PLXNA4: variants seen among roughly 807,000 people sequenced by gnomAD.
PLXNA4 encodes plexin-A4.
Under a neutral mutation model 191.8 loss-of-function variants are expected in PLXNA4, and 44 were observed. That is an observed-to-expected ratio of 0.23 (90% CI 0.18 to 0.29). PLXNA4 has a LOEUF of 0.29. Among genes scored for constraint, PLXNA4 ranks in the 10% least tolerant of loss-of-function variants. The pLI, the probability that PLXNA4 is intolerant of heterozygous loss-of-function variation, is 1.00. For synonymous variants in PLXNA4, 1,082 were observed against 1,009.5 expected, an observed-to-expected ratio of 1.07 and a Z score of -1.36; for missense variants, 1,800 against 2,488.8, an observed-to-expected ratio of 0.72 and a Z score of 5.89.
intron 3 of PLXNA4, among the ~76,000 whole-genome samples, chr7:132,441,649 T>A (rs1188106059): frequency 6.6e-6 from 1 of 152,246 alleles, no homozygotes; most frequent in Non-Finnish European, 1.5e-5. Flanking sequence ...AAACCCTGCA[T>A]TCGGAGTCTA....
At chr7:132,261,080 T>C (rs1458181962) in intron 4 of PLXNA4, among the ~76,000 whole-genome samples, 1 of 152,218 alleles carries the variant, frequency 6.6e-6, no homozygotes, top group Non-Finnish European at 1.5e-5. Context: ...GGCAGTATAC[T>C]ACTGTTTTAT....
chr7:132,484,748 T>C (rs1797478087), intron 3 of PLXNA4: 1 of 1,595,274 alleles, frequency 6.3e-7, no homozygotes, highest in Non-Finnish European at 8.5e-7. Context: ...CTTCCATCCA[T>C]CTGCAGGGCT....
intron 29 of PLXNA4, among the ~76,000 whole-genome samples, chr7:132,143,157 C>G (rs1005236502): frequency 2.0e-5 from 3 of 152,164 alleles, no homozygotes; most frequent in Non-Finnish European, 4.4e-5. Context: ...AAAAAATAAT[C>G]ACTTTTCCAT....
chr7:132,326,559 C>T (rs951086295), intron 3 of PLXNA4, among the ~76,000 whole-genome samples: 1 of 152,058 alleles, frequency 6.6e-6, no homozygotes, highest in African/African-American at 2.4e-5. Flanking sequence ...TCTGCCAGCC[C>T]CTGCATCAGG....
chr7:132,598,952 G>A (rs1357267217), intron 2 of PLXNA4, among the ~76,000 whole-genome samples: 1 of 152,112 alleles, frequency 6.6e-6, no homozygotes, highest in Non-Finnish European at 1.5e-5. Flanking sequence ...TTTATATGTG[G>A]CATTAGGTAG....
At chr7:132,482,289 CTCTT>C (rs1797371436) in intron 3 of PLXNA4, among the ~76,000 whole-genome samples, 1 of 152,100 alleles carries the variant, frequency 6.6e-6, no homozygotes, top group African/African-American at 2.4e-5. Flanking sequence ...CTTGCTCAGC[CTCTT>C]TCTCGCCCCC....
chr7:132,383,557 T>C (rs1804986335), intron 3 of PLXNA4: 1 of 983,232 alleles, frequency 1.0e-6, no homozygotes. Flanking sequence ...TGTCTCATGC[T>C]TTTTCACTGA....
At chr7:132,386,648 T>C (rs913521011) in intron 3 of PLXNA4, among the ~76,000 whole-genome samples, 2 of 152,170 alleles carry the variant, frequency 1.3e-5, no homozygotes, top group Non-Finnish European at 1.5e-5. Flanking sequence ...TTTCCTGGCA[T>C]ACCCCCGGTA....
intron 3 of PLXNA4, among the ~76,000 whole-genome samples, chr7:132,418,071 G>C (rs1230670939): frequency 6.6e-6 from 1 of 152,204 alleles, no homozygotes; most frequent in Non-Finnish European, 1.5e-5. Context: ...CCACAGACAA[G>C]CACCTAGCCA....
At chr7:132,437,636 G>A (rs1479470376) in intron 3 of PLXNA4, among the ~76,000 whole-genome samples, 1 of 150,964 alleles carries the variant, frequency 6.6e-6, no homozygotes, top group African/African-American at 2.4e-5. Context: ...TCCTTAGCTT[G>A]TTGCACTCTC....
chr7:132,140,589 C>A lies in PLXNA4; in HGVS notation c.5438+10G>T. 6.2e-7 allele frequency: 1 copy of A among 1,613,082 alleles called. No individual in the cohort carries two copies. Among genetic ancestry groups the A allele is most frequent in the Non-Finnish European group, 8.5e-7 (1 of 1,179,804 alleles). On this transcript the variant is annotated intron_variant, in intron 30 of 31. Coordinates refer to ENST00000321063, the MANE Select transcript of PLXNA4 (RefSeq NM_020911.2). ...GGGGCCCTGACTTGGCTCCGTGGCC[C>A]AGCACTCACCTCTCCACCCAATTCT...
At chr7:132,544,502 A>G (rs191636229) in intron 1 of PLXNA4, among the ~76,000 whole-genome samples, 131 of 152,364 alleles carry the variant, frequency 8.6e-4, no homozygotes, top group Non-Finnish European at 1.5e-3. Flanking sequence ...AGGAAGTTCC[A>G]TAGAAAAGAA....
intron 2 of PLXNA4, among the ~76,000 whole-genome samples, chr7:132,629,309 G>A (rs4236637): frequency 0.093 from 14,147 of 152,180 alleles, 1,423 homozygotes; most frequent in East Asian, 0.27. Context: ...TCTCTTGTAC[G>A]ACTTCTCCAG....
At chr7:132,393,524 C>A (rs537962186) in intron 3 of PLXNA4, among the ~76,000 whole-genome samples, 1 of 152,182 alleles carries the variant, frequency 6.6e-6, no homozygotes, top group African/African-American at 2.4e-5. Flanking sequence ...CACTCAAGTC[C>A]TACTTTTGTT....
chr7:132,169,384 A>G (rs35253793), intron 21 of PLXNA4, among the ~76,000 whole-genome samples: 52,761 of 151,892 alleles, frequency 0.35, 10,808 homozygotes, highest in African/African-American at 0.56. Context: ...CACCTCTGAG[A>G]TGTCCAGGGG....
At chr7:132,564,674 ATTGC>A (rs1419325174) in intron 1 of PLXNA4, among the ~76,000 whole-genome samples, 1 of 152,224 alleles carries the variant, frequency 6.6e-6, no homozygotes, top group African/African-American at 2.4e-5. Context: ...GAATTGACTG[ATTGC>A]TTGATCAATT....
At chr7:132,400,547 C>T (rs1268072849) in intron 3 of PLXNA4, among the ~76,000 whole-genome samples, 5 of 152,354 alleles carry the variant, frequency 3.3e-5, no homozygotes, top group East Asian at 1.9e-4. Context: ...GCCTCAGACA[C>T]GCTCACCCTT....
chr7:132,552,088 A>C (rs1202320217), intron 1 of PLXNA4, among the ~76,000 whole-genome samples: 1 of 152,190 alleles, frequency 6.6e-6, no homozygotes, highest in Admixed American at 6.5e-5. Context: ...ATGCAGCCGA[A>C]GTTGACAGTA....
chr7:132,549,714 T>C (rs374737191), intron 1 of PLXNA4, among the ~76,000 whole-genome samples: 58 of 152,310 alleles, frequency 3.8e-4, no homozygotes, highest in East Asian at 1.5e-3. Context: ...TCAGCAGTCA[T>C]GACAATTGCT....
Sources: allele counts gnomAD v4.1 joint callset (sites outside exome capture counted in the v4.1 genomes callset), GRCh38; gene constraint gnomAD v4.1.1; transcripts MANE v1.5; gene names NCBI Gene and HGNC (gene_info 2026-07-23, HGNC 2026-07-21).